GTF3C3: variants seen among roughly 807,000 people sequenced by gnomAD.
GTF3C3 encodes general transcription factor IIIC subunit 3.
In GTF3C3, 75 loss-of-function variants were observed where a neutral mutation model predicts 105.2. The observed-to-expected ratio is 0.71, with a 90% CI of 0.59 to 0.86. GTF3C3 has a LOEUF of 0.86. Among genes scored for constraint, GTF3C3 ranks in the 40% least tolerant of loss-of-function variants. GTF3C3 has a pLI of 0.00. For synonymous variants in GTF3C3, 335 were observed against 370.4 expected, an observed-to-expected ratio of 0.90 and a Z score of 1.10; for missense variants, 856 against 1,076.5, an observed-to-expected ratio of 0.80 and a Z score of 2.87.
chr2:196,792,192 C>CT (rs2125750894), intron 3 of GTF3C3, among the ~76,000 whole-genome samples: 1 of 152,310 alleles, frequency 6.6e-6, no homozygotes, highest in Non-Finnish European at 1.5e-5. Flanking sequence ...GGGTCTCACT[C>CT]TGTTGCCCAG....
At position 196,789,215 on chromosome 2, in the gene GTF3C3, T is replaced by C. The variant is rs1453877274; in HGVS notation, c.882A>G (p.Arg294=). ...SDGERFMQLA[R]DMAKSYYEAN... ...CACTCCAAACTTACTTTGCCATATC[T>C]CTAGCCAGCTGCATAAAACGTTCGC... The change falls in exon 6 of 18, where the codon AGA becomes AGG. Residue 294 remains arginine (R), a synonymous_variant. Transcript: ENST00000263956. The C allele has an allele frequency of 6.2e-7, 1 of 1,606,566 alleles. No homozygotes were observed. The highest frequency in any genetic ancestry group is 8.5e-7 in the Non-Finnish European group (1 of 1,177,522).
intron 13 of GTF3C3, among the ~76,000 whole-genome samples, chr2:196,774,656 A>G (rs1337237756): frequency 1.3e-5 from 2 of 152,248 alleles, no homozygotes; most frequent in Non-Finnish European, 2.9e-5. Context: ...CACAAGCTGC[A>G]GAGGTAGAAT....
chr2:196,788,271 A>T (rs1699486517), intron 6 of GTF3C3, among the ~76,000 whole-genome samples: 1 of 152,268 alleles, frequency 6.6e-6, no homozygotes, highest in Admixed American at 6.5e-5. Flanking sequence ...TGGAATTAAT[A>T]GGGTCACCCC....
chr2:196,798,746 CA>C (rs1430442057), intron 1 of GTF3C3, among the ~76,000 whole-genome samples: 1 of 150,882 alleles, frequency 6.6e-6, no homozygotes, highest in Admixed American at 6.6e-5. Context: ...CCTGTAGTCC[CA>C]GCTACTCGGG....
intron 2 of GTF3C3, 130 bp downstream of exon 2, chr2:196,797,667 G>A: frequency 1.6e-6 from 1 of 625,428 alleles, no homozygotes; most frequent in South Asian, 1.9e-5. Flanking sequence ...ATATAACCAA[G>A]CATTCTGTTC....
rs529783531 is a variant in GTF3C3, at chr2:196,795,443, AAAT to A, written c.215-2294_215-2292del. 2.6e-5 allele frequency among the ~76,000 whole-genome samples: 4 copies of A among 152,264 alleles called. No homozygotes were observed. The South Asian group carries it at 8.3e-4, about 31-fold the overall frequency. Reference sequence around the variant, plus strand: ...TTAAAAGCTACATGTTCTGAGCAATAAATATTATTTTGAAGTCATAAGGATCAT... The same window carrying A: ...TTAAAAGCTACATGTTCTGAGCAATAATTATTTTGAAGTCATAAGGATCAT... On this transcript the variant is annotated intron_variant, in intron 2 of 17. Transcript: ENST00000263956.
chr2:196,783,619 C>G (rs1037393657), intron 8 of GTF3C3, among the ~76,000 whole-genome samples: 1 of 152,134 alleles, frequency 6.6e-6, no homozygotes, highest in African/African-American at 2.4e-5. Context: ...AGCCTGTGAT[C>G]TGGTCCTGCT....
intron 6 of GTF3C3, among the ~76,000 whole-genome samples, chr2:196,788,687 T>C (rs993804416): frequency 6.6e-6 from 1 of 152,196 alleles, no homozygotes; most frequent in Non-Finnish European, 1.5e-5. Context: ...CTCTGAGCAC[T>C]TGAAATGTAA....
rs201002325 is a variant in GTF3C3, at chr2:196,795,052, G to GT, written c.215-1901dup. Among the ~76,000 whole-genome samples the GT allele has an allele frequency of 1.2e-3, 171 of 146,392 alleles. No individual in the cohort carries two copies. In the East Asian group the frequency reaches 0.02, roughly 17 times the overall value. On this transcript the variant is annotated intron_variant, in intron 2 of 17. Transcript: ENST00000263956. Reference sequence around the variant, plus strand: ...CATTTTTTTTGTTTTGTTTTGTTTTGTTTTTTTTAGACAGAGTCTTGCTCT... The same window carrying GT: ...CATTTTTTTTGTTTTGTTTTGTTTTGTTTTTTTTTAGACAGAGTCTTGCTCT...
In GTF3C3 at chr2:196,784,141, G is replaced by A. The variant is rs143228972; in HGVS notation, c.1114+716C>T. Among the ~76,000 whole-genome samples, 166 of 152,236 alleles carry A rather than the reference G, an allele frequency of 1.1e-3. No individual in the cohort carries two copies. In the East Asian group the frequency reaches 0.019, roughly 18 times the overall value. ...ATTTTTAGGCATCATGACAGGCCACGGAAGGAGCTGTTATGAACCAGGCAG... is the reference window on the plus strand; with the variant it reads ...ATTTTTAGGCATCATGACAGGCCACAGAAGGAGCTGTTATGAACCAGGCAG... On this transcript the variant is annotated intron_variant, in intron 8 of 17. Coordinates refer to ENST00000263956, the MANE Select transcript of GTF3C3 (RefSeq NM_012086.5).
rs1456710671 is a variant in GTF3C3 at position 196,766,794 on chromosome 2, C to A, written c.2386-77G>T. The A allele has an allele frequency of 2.7e-6, 3 of 1,097,218 alleles. No homozygotes were observed. The Admixed American group carries it at 7.0e-5, about 26-fold the overall frequency. The allele number at this position is 1,097,218 out of a possible 1,614,324, so 68.0% of individuals were successfully genotyped here. A position where few individuals can be genotyped will look rare whatever the true frequency, so the allele number is the denominator to read the frequency against. Reference sequence around the variant, plus strand: ...TACTAGACCACTGTATTACCAGGTGCTGAAAATACAAATATTTTTTAAAAA... The same window carrying A: ...TACTAGACCACTGTATTACCAGGTGATGAAAATACAAATATTTTTTAAAAA... On this transcript the variant is annotated intron_variant, in intron 16 of 17. Transcript: ENST00000263956.
At position 196,767,296 on chromosome 2, in the gene GTF3C3, G is replaced by T. The variant is rs181967623; in HGVS notation, c.2386-579C>A. 1.2e-3 allele frequency among the ~76,000 whole-genome samples: 188 copies of T among 152,284 alleles called. 1 individual carries two copies. Among genetic ancestry groups the T allele is most frequent in the African/African-American group, 4.1e-3 (172 of 41,562 alleles). On this transcript the variant is annotated intron_variant, in intron 16 of 17. Transcript: ENST00000263956. Reference sequence around the variant, plus strand: ...TTCAGAGCACAGCTACAATGACGCTGGCTCCCTGTGGGTCACACAGTCCAA... The same window carrying T: ...TTCAGAGCACAGCTACAATGACGCTTGCTCCCTGTGGGTCACACAGTCCAA...
chr2:196,777,154 G>A (rs1699273090), intron 10 of GTF3C3, among the ~76,000 whole-genome samples: 1 of 152,088 alleles, frequency 6.6e-6, no homozygotes, highest in South Asian at 2.1e-4. Flanking sequence ...TCTTTTGAAA[G>A]TTCTGTATTT....
At chr2:196,779,126 A>C in intron 9 of GTF3C3, 59 bp from the exon 10 acceptor site, 1 of 1,281,346 alleles carries the variant, frequency 7.8e-7, no homozygotes, top group Non-Finnish European at 1.1e-6. Flanking sequence ...ACATCTATCT[A>C]TAGCTTTTTT....
chr2:196,791,601 T>C, intron 3 of GTF3C3, 141 bp from the exon 4 acceptor site: 1 of 626,592 alleles, frequency 1.6e-6, no homozygotes, highest in Non-Finnish European at 2.7e-6. Flanking sequence ...CAGAACTAAA[T>C]AGTTGCAATT....
rs1442599430 is a variant in GTF3C3 at position 196,770,024 on chromosome 2, G to C, written c.2276C>G (p.Ala759Gly). The C allele has an allele frequency of 6.4e-7, 1 of 1,553,464 alleles. No homozygotes were observed. Among genetic ancestry groups the C allele is most frequent in the Admixed American group, 2.1e-5 (1 of 46,706 alleles). The change falls in exon 16 of 18, where the codon GCC becomes GGC. Residue 759 changes from alanine (A) to glycine (G), a missense_variant. Physicochemically the swap from Ala to Gly is moderately conservative, Grantham distance 60. Around this residue, in one of 3 missense-constraint regions of GTF3C3, gnomAD observed 605 missense variants for 833.6 expected, o/e 0.73. Transcript: ENST00000263956. ...FKHALGQYVQAFRTHPDEPLY... is the reference protein window; with the variant it reads ...FKHALGQYVQGFRTHPDEPLY... ...AGGTTCGTCAGGGTGAGTGCGAAAG[G>C]CTTGCACATACTGTCCTGGAAAATA...
At chr2:196,772,031 T>G (rs934703293) in intron 14 of GTF3C3, 93 bp from the exon 15 acceptor site, 3 of 768,574 alleles carry the variant, frequency 3.9e-6, no homozygotes, top group African/African-American at 3.5e-5. Flanking sequence ...CTACCAGCAC[T>G]GAAATGTACC....
intron 1 of GTF3C3, among the ~76,000 whole-genome samples, chr2:196,798,427 G>A (rs948788373): frequency 3.7e-4 from 56 of 152,070 alleles, no homozygotes; most frequent in African/African-American, 1.1e-3. Flanking sequence ...TGGAGGCTGA[G>A]GTAGGAGGAC....
rs1169381173 is a variant in GTF3C3 at position 196,763,446 on chromosome 2, A to C, written c.*1117T>G. ...GCATAAAGTAAAAATTAAGCATGTG[A>C]AACAGTTAACCTCAATTATAAAAAT... On this transcript the variant is annotated 3_prime_UTR_variant, in exon 18 of 18. Transcript: ENST00000263956. 6.6e-6 allele frequency: 1 copy of C among 152,220 alleles called. No individual in the cohort carries two copies. The highest frequency in any genetic ancestry group is 2.4e-5 in the African/African-American group (1 of 41,454). The allele number at this position is 152,220 out of a possible 1,614,324, so 9.4% of individuals were successfully genotyped here.
Sources: allele counts gnomAD v4.1 joint callset (sites outside exome capture counted in the v4.1 genomes callset), GRCh38; gene constraint gnomAD v4.1.1; regional missense constraint gnomAD v4.1.1; transcripts MANE v1.5; gene names NCBI Gene and HGNC (gene_info 2026-07-23, HGNC 2026-07-21).